Variants in ZYG11B observed in about 807,000 individuals in gnomAD.
ZYG11B encodes protein zyg-11 homolog B.
A neutral mutation model predicts 82.4 loss-of-function variants in ZYG11B; 36 were observed. The ratio of observed to expected loss-of-function variants is 0.44; its 90% CI spans 0.33 to 0.58. The LOEUF is 0.58. Ranked by LOEUF, ZYG11B falls within the 20% of genes least tolerant of loss-of-function variation. The pLI, the probability that ZYG11B is intolerant of heterozygous loss-of-function variation, is 0.02. For missense variants in ZYG11B, 552 were observed against 895.6 expected (o/e 0.62, Z 4.90); for synonymous variants, 303 against 312.8 (o/e 0.97, Z 0.33).
At chr1:52,818,893 A>G (rs1345620442) in intron 13 of ZYG11B, among the ~76,000 whole-genome samples, 22 of 151,018 alleles carry the variant, frequency 1.5e-4, no homozygotes, top group Non-Finnish European at 2.9e-5. Flanking sequence ...TCCCAGATTC[A>G]AGCATTTCTC....
chr1:52,815,684 C>T (rs1230805008), intron 12 of ZYG11B, among the ~76,000 whole-genome samples: 1 of 151,944 alleles, frequency 6.6e-6, no homozygotes, highest in Non-Finnish European at 1.5e-5. Flanking sequence ...CCTGTAATCC[C>T]AGCACTTTGG....
At chr1:52,817,833 T>TCA (rs1645248816) in intron 13 of ZYG11B, among the ~76,000 whole-genome samples, 10 of 22,756 alleles carry the variant, frequency 4.4e-4, no homozygotes, top group Non-Finnish European at 6.7e-4. Context: ...TTTTTTTTTT[T>TCA]TTTTTTTTTT....
At chr1:52,772,600 G>T in intron 3 of ZYG11B, 1 of 1,408,856 alleles carries the variant, frequency 7.1e-7, no homozygotes, top group Non-Finnish European at 1.0e-6. Context: ...CGTCGATAGG[G>T]TAAAGCCGAC....
intron 1 of ZYG11B, among the ~76,000 whole-genome samples, chr1:52,749,085 C>T (rs538492126): frequency 6.6e-6 from 1 of 152,002 alleles, no homozygotes; most frequent in African/African-American, 2.4e-5. Flanking sequence ...TGCCTGTAAT[C>T]CCAGGTACTT....
At chr1:52,773,625 ATATTTTTTTTTTTTT>A (rs1644776447) in intron 3 of ZYG11B, among the ~76,000 whole-genome samples, 3 of 30,528 alleles carry the variant, frequency 9.8e-5, no homozygotes, top group African/African-American at 3.9e-4. Flanking sequence ...ATATATATAT[ATATTTTTTTTTTTTT>A]TTTTTTTTTT....
Position 52,783,798 on chromosome 1 carries a change from A to ATG in ZYG11B, c.1093-1078_1093-1077insGT, listed in dbSNP as rs1405901826. 2.7e-5 allele frequency among the ~76,000 whole-genome samples: 3 copies of ATG among 111,902 alleles called. No individual in the cohort carries two copies. The East Asian group carries it at 1.0e-3, about 37-fold the overall frequency. 73.4% of individuals were successfully genotyped at this position (111,902 alleles called of 152,430 possible). A position where few individuals can be genotyped will look rare whatever the true frequency, so the allele number is the denominator to read the frequency against. On this transcript the variant is annotated intron_variant, in intron 4 of 13. Transcript: ENST00000294353. ...CTACCATGCCCAGCTTTATATATAT[A>ATG]TATATATACACACACACGTATATGT...
chr1:52,805,333 A>C (rs1443599046), intron 10 of ZYG11B: 1 of 344,666 alleles, frequency 2.9e-6, no homozygotes, highest in African/African-American at 2.1e-5. Context: ...ATTTTTAGGA[A>C]AGCTGAGGAC....
chr1:52,792,460 A>T (rs752963724), intron 6 of ZYG11B, among the ~76,000 whole-genome samples: 4 of 152,196 alleles, frequency 2.6e-5, no homozygotes, highest in Non-Finnish European at 2.9e-5. Flanking sequence ...ATGTAAGCTT[A>T]TTCAGTCCTC....
At chr1:52,732,276 A>G (rs1644339287) in intron 1 of ZYG11B, among the ~76,000 whole-genome samples, 1 of 152,236 alleles carries the variant, frequency 6.6e-6, no homozygotes, top group African/African-American at 2.4e-5. Flanking sequence ...GTCTCAGGCC[A>G]GTATGAATCA....
Position 52,817,048 on chromosome 1 carries a change from C to T in ZYG11B, c.2044+419C>T, listed in dbSNP as rs530796880. ...AACTCCTGACCTCAGGTGATCCGCCCGCCTAAGCCTCCCAAAGTGCTGGGA... is the reference window on the plus strand; with the variant it reads ...AACTCCTGACCTCAGGTGATCCGCCTGCCTAAGCCTCCCAAAGTGCTGGGA... On this transcript the variant is annotated intron_variant, in intron 13 of 13. Coordinates refer to ENST00000294353, the MANE Select transcript of ZYG11B (RefSeq NM_024646.3). Among the ~76,000 whole-genome samples the T allele has an allele frequency of 3.9e-5, 6 of 151,906 alleles. No individual in the cohort carries two copies. In the South Asian group the frequency reaches 6.2e-4, roughly 16 times the overall value.
chr1:52,785,454 G>C (rs1404054143), intron 5 of ZYG11B, among the ~76,000 whole-genome samples: 2 of 152,064 alleles, frequency 1.3e-5, no homozygotes, highest in African/African-American at 4.8e-5. Context: ...TACTAAAAAT[G>C]TTGCTTAATT....
Position 52,819,792 on chromosome 1 carries a change from A to T in ZYG11B, c.2045-1647A>T, listed in dbSNP as rs11206027. On this transcript the variant is annotated intron_variant, in intron 13 of 13. Transcript: ENST00000294353. ...CAGAGTGAGACTCTGTCTGAAAAAA[A>T]AATAATAATAATAATAATAATAGTG... is the stretch of plus-strand genomic sequence containing the variant. 5.6e-4 allele frequency among the ~76,000 whole-genome samples: 84 copies of T among 149,652 alleles called. 1 individual carries two copies. Among genetic ancestry groups the T allele is most frequent in the Admixed American group, 5.3e-4 (8 of 15,006 alleles).
chr1:52,773,599 C>CTATATATATATATATATATATATA (rs1204746797), intron 3 of ZYG11B, among the ~76,000 whole-genome samples: 9 of 26,022 alleles, frequency 3.5e-4, no homozygotes, highest in African/African-American at 9.2e-4. Flanking sequence ...ATGCTTTAAA[C>CTATATATATATATATATATATATA]TATATATATA....
At position 52,771,470 on chromosome 1, in the gene ZYG11B, T is replaced by C; in HGVS notation, c.647T>C (p.Met216Thr). ...ACKDRLKSLT[M>T]HHLKCLKMTT... ...AAAGACCGACTCAAGTCTCTAACCA[T>C]GCACCACTTGAAATGTTTAAAAATG... The change falls in exon 3 of 14, where the codon ATG becomes ACG. Residue 216 changes from methionine (M) to threonine (T), a missense_variant. By Grantham distance (81) the Met-to-Thr change is moderately conservative. Coordinates refer to ENST00000294353, the MANE Select transcript of ZYG11B (RefSeq NM_024646.3). The surrounding 1 kb of genome is among the most constrained non-coding windows in gnomAD (Gnocchi z 5.4). 6.2e-7 allele frequency: 1 copy of C among 1,613,614 alleles called. No individual in the cohort carries two copies. The highest frequency in any genetic ancestry group is 8.5e-7 in the Non-Finnish European group (1 of 1,179,812).
intron 3 of ZYG11B, among the ~76,000 whole-genome samples, chr1:52,776,229 A>AAAAATATATATATATATAT: frequency 4.2e-5 from 1 of 23,536 alleles, no homozygotes; most frequent in Non-Finnish European, 1.2e-4. Flanking sequence ...TAAAAAAAAA[A>AAAAATATATATATATATAT]ATATATATAT....
chr1:52,779,466 T>C (rs113596595), intron 3 of ZYG11B, among the ~76,000 whole-genome samples: 1,794 of 152,256 alleles, frequency 0.012, 39 homozygotes, highest in African/African-American at 0.042. Flanking sequence ...TACATAACTA[T>C]CCAAGATACC....
intron 1 of ZYG11B, among the ~76,000 whole-genome samples, chr1:52,739,538 C>G (rs1276403789): frequency 6.6e-6 from 1 of 152,160 alleles, no homozygotes; most frequent in South Asian, 2.1e-4. Context: ...TCTAACCTCT[C>G]AATGTATTAC....
Position 52,802,340 on chromosome 1 carries a change from CTTT to C in ZYG11B, c.1695+224_1695+226del, listed in dbSNP as rs397980205. Among the ~76,000 whole-genome samples the C allele has an allele frequency of 2.9e-3, 223 of 78,088 alleles. 1 individual carries two copies. In the East Asian group the frequency reaches 0.081, roughly 28 times the overall value. The allele number at this position is 78,088 out of a possible 152,430, so 51.2% of individuals were successfully genotyped here. A position where few individuals can be genotyped will look rare whatever the true frequency, so the allele number is the denominator to read the frequency against. On this transcript the variant is annotated intron_variant, in intron 10 of 13. Transcript: ENST00000294353. ...GCAATAGCAATTTCTTTCTTTCTCT[CTTT>C]TTTTTTTTTTTTTTTTTTTTTTGAG...
At chr1:52,748,032 T>C (rs1252624547) in intron 1 of ZYG11B, among the ~76,000 whole-genome samples, 1 of 152,204 alleles carries the variant, frequency 6.6e-6, no homozygotes, top group Non-Finnish European at 1.5e-5. Context: ...AGCATATAAG[T>C]GCTCTACAAT....
Sources: allele counts gnomAD v4.1 joint callset (sites outside exome capture counted in the v4.1 genomes callset), GRCh38; gene constraint gnomAD v4.1.1; non-coding constraint Gnocchi (gnomAD v3.1); transcripts MANE v1.5; gene names NCBI Gene and HGNC (gene_info 2026-07-23, HGNC 2026-07-21).